The following MMP27 variants were observed in gnomAD, a reference collection of about 807,000 sequenced individuals.
The protein encoded by MMP27 is matrix metallopeptidase 27.
MMP27 carries 51 observed loss-of-function variants against 48.1 expected under a neutral mutation model. That is an observed-to-expected ratio of 1.06 (90% CI 0.85 to 1.34). The LOEUF is 1.34. MMP27 is among the 40% of genes most tolerant of loss of function. MMP27 has a pLI of 0.00. For missense variants in MMP27, 698 were observed against 619.3 expected (o/e 1.13, Z -1.35); for synonymous variants, 229 against 208.9 (o/e 1.10, Z -0.83).
rs1565426361 is a variant in MMP27 at position 102,696,273 on chromosome 11, C to T, written c.902+98G>A. The T allele has an allele frequency of 3.2e-6, 4 of 1,260,918 alleles. No individual in the cohort carries two copies. The East Asian group carries it at 7.0e-5, about 22-fold the overall frequency. The allele number at this position is 1,260,918 out of a possible 1,614,324, so 78.1% of individuals were successfully genotyped here. ...AGTTATAAAATGAAGATAAAAGGCA[C>T]ACATTTTCACTAGCCCCATGACTAC... is the stretch of plus-strand genomic sequence containing the variant. On this transcript the variant is annotated intron_variant, in intron 6 of 9. Coordinates refer to ENST00000260229, the MANE Select transcript of MMP27 (RefSeq NM_022122.3).
intron 9 of MMP27, 101 bp from the exon 10 acceptor site, chr11:102,692,111 G>T: frequency 8.8e-7 from 1 of 1,135,232 alleles, no homozygotes; most frequent in Non-Finnish European, 1.2e-6. Flanking sequence ...TATGGAGAAC[G>T]AAGAAATTTG....
At position 102,705,683 on chromosome 11, in the gene MMP27, A is replaced by C. The variant is rs1861035671; in HGVS notation, c.32T>G (p.Phe11Cys). 1 of 1,607,440 alleles carries C rather than the reference A, an allele frequency of 6.2e-7. No homozygotes were observed. The highest frequency in any genetic ancestry group is 8.5e-7 in the Non-Finnish European group (1 of 1,177,940). MKRLLLLFLF[F>C]ITFSSAFPLV... The stretch of plus-strand genomic sequence containing the variant: ...GGGAAATGCAGAAGAAAATGTTATA[A>C]AGAACAAAAACAGAAGCAGAAGGCG... Residue 11 changes from phenylalanine (F) to cysteine (C), a missense_variant, in exon 1 of 10, where the codon TTT becomes TGT. Coordinates refer to ENST00000260229, the MANE Select transcript of MMP27 (RefSeq NM_022122.3).
At chr11:102,700,198 C>A (rs1026315669) in intron 4 of MMP27, among the ~76,000 whole-genome samples, 9 of 152,176 alleles carry the variant, frequency 5.9e-5, no homozygotes, top group Non-Finnish European at 1.2e-4. Context: ...CATTGAGTGA[C>A]TTTATTTACC....
intron 4 of MMP27, among the ~76,000 whole-genome samples, chr11:102,697,264 A>C (rs1358782907): frequency 6.6e-6 from 1 of 152,228 alleles, no homozygotes; most frequent in Non-Finnish European, 1.5e-5. Context: ...GAGAAGGTAC[A>C]GTAAAAATAT....
chr11:102,701,745 C>T (rs760625447), intron 4 of MMP27, among the ~76,000 whole-genome samples: 7 of 152,194 alleles, frequency 4.6e-5, no homozygotes, highest in Non-Finnish European at 7.3e-5. Context: ...TGACTTTCGC[C>T]CTTTTCACTG....
rs1193702776 is a variant in MMP27, at chr11:102,691,836, T to A, written c.1472A>T (p.Tyr491Phe). The A allele has an allele frequency of 2.5e-6, 4 of 1,612,680 alleles. No individual in the cohort carries two copies. The highest frequency in any genetic ancestry group is 1.3e-5 in the African/African-American group (1 of 75,014). The change falls in exon 10 of 10, where the codon TAT becomes TTT. Residue 491 changes from tyrosine to phenylalanine, a missense_variant. Tyr to Phe is a conservative substitution (Grantham distance 22). Coordinates refer to ENST00000260229, the MANE Select transcript of MMP27 (RefSeq NM_022122.3). ...AATAAACAAGCTTAAACTCTTATGA[T>A]ACAATATCTTTATGCCTCCTGAATG... ...KAHSGGIKIL[Y>F]HKSLSLFIFG...
rs1860976728 is a variant in MMP27 at position 102,703,098 on chromosome 11, T to C, written c.362A>G (p.Asp121Gly). The C allele has an allele frequency of 6.2e-7, 1 of 1,613,058 alleles. No individual in the cohort carries two copies. ...LTYRIINYTP[D>G]MARAAVDEAI... ...CTCATCCACAGCAGCTCGTGCCATA[T>C]CCGGAGTATAGTTTATTATTCTTAA... The change falls in exon 3 of 10, where the codon GAT (aspartate) becomes GGT (glycine). Residue 121 changes from aspartate to glycine, a missense_variant. Asp to Gly is a moderately conservative substitution (Grantham distance 94, BLOSUM62 -1). Coordinates refer to ENST00000260229, the MANE Select transcript of MMP27 (RefSeq NM_022122.3).
At chr11:102,695,687 G>C (rs934628649) in intron 6 of MMP27, among the ~76,000 whole-genome samples, 4 of 152,166 alleles carry the variant, frequency 2.6e-5, no homozygotes, top group Non-Finnish European at 4.4e-5. Context: ...TGGGTGAAAG[G>C]AGTCCAATTT....
chr11:102,699,989 C>T (rs998313210), intron 4 of MMP27, among the ~76,000 whole-genome samples: 4 of 152,220 alleles, frequency 2.6e-5, no homozygotes, highest in African/African-American at 9.6e-5. Flanking sequence ...CTGGGTTGGA[C>T]TTTCTTCTGT....
intron 4 of MMP27, among the ~76,000 whole-genome samples, chr11:102,699,151 T>C (rs549618798): frequency 1.3e-5 from 2 of 152,276 alleles, no homozygotes; most frequent in South Asian, 2.1e-4. Flanking sequence ...CCCACTAGTC[T>C]GTAAGGCTCT....
Position 102,691,890 on chromosome 11 carries a change from A to C in MMP27, c.1418T>G (p.Phe473Cys). Reference sequence around the variant, plus strand: ...TTTTTCCTTGTTGATATCAAAACCAAATGAGGAGTTCTTTGGTTCTTTGCA... The same window carrying C: ...TTTTTCCTTGTTGATATCAAAACCACATGAGGAGTTCTTTGGTTCTTTGCA... Reference protein sequence around the residue: ...FQCKEPKNSSFGFDINKEKAH... With the variant: ...FQCKEPKNSSCGFDINKEKAH... The change falls in exon 10 of 10, where the codon TTT (phenylalanine) becomes TGT (cysteine). Residue 473 changes from phenylalanine to cysteine, a missense_variant. Transcript: ENST00000260229. 1.2e-6 allele frequency: 2 copies of C among 1,613,610 alleles called. 1 individual carries two copies. The highest frequency in any genetic ancestry group is 2.2e-5 in the South Asian group (2 of 91,056).
intron 5 of MMP27, 64 bp from the exon 6 acceptor site, chr11:102,696,555 G>C: frequency 1.3e-6 from 2 of 1,590,388 alleles, no homozygotes; most frequent in Admixed American, 1.8e-5. Context: ...CCTACACAAG[G>C]GTCTTACCTA....
At position 102,696,845 on chromosome 11, in the gene MMP27, A is replaced by G. The variant is rs776342728; in HGVS notation, c.620-10T>C. On this transcript the variant is annotated splice_polypyrimidine_tract_variant and intron_variant, in intron 4 of 9. Transcript: ENST00000260229. ...AGAAACAAGTTGAATCCTTGATAATAACAGGGAAAACACGAGCACATGACT... is the reference window on the plus strand; with the variant it reads ...AGAAACAAGTTGAATCCTTGATAATGACAGGGAAAACACGAGCACATGACT... 4.4e-6 allele frequency: 7 copies of G among 1,604,172 alleles called. No individual in the cohort carries two copies. The highest frequency in any genetic ancestry group is 5.9e-6 in the Non-Finnish European group (7 of 1,177,040).
intron 2 of MMP27, among the ~76,000 whole-genome samples, chr11:102,703,667 C>T (rs377636964): frequency 1.3e-5 from 2 of 152,028 alleles, no homozygotes; most frequent in East Asian, 3.8e-4. Flanking sequence ...GGACTACAGG[C>T]GCGTGCCACC....
chr11:102,701,771 G>A (rs190883201), intron 4 of MMP27, among the ~76,000 whole-genome samples: 1 of 152,334 alleles, frequency 6.6e-6, no homozygotes, highest in Admixed American at 6.5e-5. Context: ...TGGAAAAACA[G>A]TTGCATCACC....
chr11:102,697,711 GC>G (rs1210798590), intron 4 of MMP27, among the ~76,000 whole-genome samples: 1 of 152,060 alleles, frequency 6.6e-6, no homozygotes, highest in Non-Finnish European at 1.5e-5. Context: ...TCACTATGTT[GC>G]CCAGGCTGAT....
At chr11:102,694,287 A>C (rs1039854669) in intron 7 of MMP27, among the ~76,000 whole-genome samples, 3 of 152,184 alleles carry the variant, frequency 2.0e-5, no homozygotes, top group African/African-American at 7.2e-5. Flanking sequence ...ACCTTTGTCA[A>C]TTGGTTTCAT....
chr11:102,696,393 C>A lies in MMP27; in HGVS notation c.880G>T (p.Glu294Ter), dbSNP rs1860826783. 1 of 1,613,756 alleles carries A rather than the reference C, an allele frequency of 6.2e-7. No homozygotes were observed. Among genetic ancestry groups the A allele is most frequent in the Non-Finnish European group, 8.5e-7 (1 of 1,179,766 alleles). Residue 294 changes from glutamate to a stop codon, truncating the protein, a stop_gained, in exon 6 of 10, where the codon GAA becomes TAA. Transcript: ENST00000260229. LOFTEE classifies it high-confidence loss of function. ...TACCTGCCTTTAAAGAACATTACTT[C>A]TCTGCGGAAAGTTGTGATAGCGTCA... Reference protein sequence around the residue: ...TFDAITTFRREVMFFKGRHLW... With the variant: ...TFDAITTFRR
chr11:102,695,825 G>A (rs999550763), intron 6 of MMP27, among the ~76,000 whole-genome samples: 1 of 152,186 alleles, frequency 6.6e-6, no homozygotes, highest in East Asian at 1.9e-4. Flanking sequence ...ATAAATTGTA[G>A]TGAGAGAAGG....
Sources: allele counts gnomAD v4.1 joint callset (sites outside exome capture counted in the v4.1 genomes callset), GRCh38; gene constraint gnomAD v4.1.1; transcripts MANE v1.5; gene names NCBI Gene and HGNC (gene_info 2026-07-23, HGNC 2026-07-21).